SLCO3A1: variants seen among roughly 807,000 people sequenced by gnomAD.
SLCO3A1 encodes PGE1 transporter.
A neutral mutation model predicts 63.1 loss-of-function variants in SLCO3A1; 27 were observed. That is an observed-to-expected ratio of 0.43 (90% CI 0.32 to 0.59). The LOEUF (loss-of-function observed/expected upper bound fraction) is 0.59. SLCO3A1 is among the 20% of genes least tolerant of loss of function. The probability of loss-of-function intolerance (pLI) is 0.09; values close to 1 mark genes in which losing one functional copy is unlikely to be tolerated. For missense variants in SLCO3A1, 773 were observed against 945.8 expected (o/e 0.82, Z 2.40); for synonymous variants, 473 against 409.9 (o/e 1.15, Z -1.86).
At chr15:92,013,375 C>T (rs1053145715) in intron 2 of SLCO3A1, among the ~76,000 whole-genome samples, 4 of 152,212 alleles carry the variant, frequency 2.6e-5, no homozygotes, top group Non-Finnish European at 4.4e-5. Context: ...TCCTGCAGTA[C>T]GTGGCCTATT....
At chr15:91,906,281 A>G (rs570922160) in intron 1 of SLCO3A1, among the ~76,000 whole-genome samples, 1 of 152,256 alleles carries the variant, frequency 6.6e-6, no homozygotes, top group Non-Finnish European at 1.5e-5. Flanking sequence ...ACTATGTGCT[A>G]TTTCTTTGGG....
rs529814074 is a variant in SLCO3A1 at position 92,134,668 on chromosome 15, A to G, written c.1512+6179A>G. ...ACTTCAGGTTAGGGGCCAAAAAACTAAATTTTGCTTATTTGTTTCCAGTTT... is the reference window on the plus strand; with the variant it reads ...ACTTCAGGTTAGGGGCCAAAAAACTGAATTTTGCTTATTTGTTTCCAGTTT... On this transcript the variant is annotated intron_variant, in intron 7 of 9. Coordinates refer to ENST00000318445, the MANE Select transcript of SLCO3A1 (RefSeq NM_013272.4). Among the ~76,000 whole-genome samples the G allele has an allele frequency of 3.8e-4, 58 of 152,364 alleles. 2 individuals are homozygous for G. The highest frequency in any genetic ancestry group is 1.3e-3 in the African/African-American group (56 of 41,590).
At chr15:91,949,984 G>A (rs1899943943) in intron 2 of SLCO3A1, among the ~76,000 whole-genome samples, 1 of 152,168 alleles carries the variant, frequency 6.6e-6, no homozygotes, top group South Asian at 2.1e-4. Flanking sequence ...TCCAGCCTGA[G>A]CAACAGAACC....
At chr15:91,944,748 A>T (rs4420511) in intron 2 of SLCO3A1, among the ~76,000 whole-genome samples, 2 of 151,388 alleles carry the variant, frequency 1.3e-5, no homozygotes, top group Non-Finnish European at 2.9e-5. Context: ...ATGTGGAGAA[A>T]TCGAGGGGGC....
At chr15:91,987,145 C>T (rs1173682249) in intron 2 of SLCO3A1, among the ~76,000 whole-genome samples, 3 of 152,016 alleles carry the variant, frequency 2.0e-5, no homozygotes, top group Admixed American at 6.5e-5. Flanking sequence ...TTTTAAAAAC[C>T]GTATAGTTGA....
At chr15:91,922,019 G>A (rs1898864368) in intron 2 of SLCO3A1, among the ~76,000 whole-genome samples, 1 of 152,184 alleles carries the variant, frequency 6.6e-6, no homozygotes, top group Non-Finnish European at 1.5e-5. Flanking sequence ...ACAGGCATGA[G>A]CCACTGCGCC....
At chr15:92,063,050 A>T (rs2151507900) in intron 2 of SLCO3A1, among the ~76,000 whole-genome samples, 1 of 152,334 alleles carries the variant, frequency 6.6e-6, no homozygotes, top group Middle Eastern at 3.4e-3. Flanking sequence ...AGAACAACCA[A>T]AATGGGCAGC....
At chr15:91,974,014 G>A (rs1900989935) in intron 2 of SLCO3A1, among the ~76,000 whole-genome samples, 2 of 152,094 alleles carry the variant, frequency 1.3e-5, no homozygotes, top group South Asian at 4.2e-4. Flanking sequence ...AGGCCTATTG[G>A]TACCTGTTCT....
chr15:92,131,792 G>A (rs2048000397), intron 7 of SLCO3A1, among the ~76,000 whole-genome samples: 1 of 145,492 alleles, frequency 6.9e-6, no homozygotes, highest in African/African-American at 2.5e-5. Flanking sequence ...TATCTCTCAG[G>A]GCTGTCTCTC....
At chr15:91,977,919 C>T (rs1467706510) in intron 2 of SLCO3A1, among the ~76,000 whole-genome samples, 1 of 152,138 alleles carries the variant, frequency 6.6e-6, no homozygotes, top group African/African-American at 2.4e-5. Flanking sequence ...GGACAAAGAC[C>T]TTGGCTATCT....
At position 92,165,675 on chromosome 15, in the gene SLCO3A1, C is replaced by G; in HGVS notation, c.*2540C>G. ...CGCTGTTGCAGGATGGCTCTGAATTCTGTTGTGTCGTCTTTTAAAATTTTA... is the reference window on the plus strand; with the variant it reads ...CGCTGTTGCAGGATGGCTCTGAATTGTGTTGTGTCGTCTTTTAAAATTTTA... On this transcript the variant is annotated 3_prime_UTR_variant, in exon 10 of 10. Transcript: ENST00000318445. 1.0e-6 allele frequency: 1 copy of G among 985,326 alleles called. No individual in the cohort carries two copies. The highest frequency in any genetic ancestry group is 4.7e-5 in the South Asian group (1 of 21,286). 61.0% of individuals were successfully genotyped at this position (985,326 alleles called of 1,614,324 possible). A position where few individuals can be genotyped will look rare whatever the true frequency, so the allele number is the denominator to read the frequency against.
At chr15:91,918,215 G>A (rs1898725006) in intron 2 of SLCO3A1, among the ~76,000 whole-genome samples, 2 of 152,244 alleles carry the variant, frequency 1.3e-5, no homozygotes, top group African/African-American at 2.4e-5. Flanking sequence ...TGTGGGAGGT[G>A]GAGGCGTGGA....
At chr15:91,980,523 A>G (rs2045972148) in intron 2 of SLCO3A1, among the ~76,000 whole-genome samples, 1 of 151,734 alleles carries the variant, frequency 6.6e-6, no homozygotes, top group African/African-American at 2.4e-5. Flanking sequence ...TTTAGTTGGT[A>G]TGAAGTTTCT....
chr15:92,045,419 C>T (rs768375494), intron 2 of SLCO3A1, among the ~76,000 whole-genome samples: 1 of 151,880 alleles, frequency 6.6e-6, no homozygotes, highest in Non-Finnish European at 1.5e-5. Flanking sequence ...GTGTATGGAT[C>T]CTTCAAAGAA....
intron 9 of SLCO3A1, among the ~76,000 whole-genome samples, chr15:92,158,180 G>A (rs1567153537): frequency 6.6e-6 from 1 of 152,164 alleles, no homozygotes; most frequent in African/African-American, 2.4e-5. Context: ...CAACCCCAGA[G>A]AAGGAAGGGC....
intron 2 of SLCO3A1, among the ~76,000 whole-genome samples, chr15:92,031,015 T>TGAGGGAGGGAGGGAGGGAGG (rs57656534): frequency 1.9e-5 from 2 of 103,048 alleles, no homozygotes; most frequent in Non-Finnish European, 4.0e-5. Flanking sequence ...CTGTACCCTG[T>TGAGGGAGGGAGGGAGGGAGG]GAGGGAGGGA....
chr15:91,943,451 A>T (rs1899691794), intron 2 of SLCO3A1, among the ~76,000 whole-genome samples: 1 of 152,198 alleles, frequency 6.6e-6, no homozygotes, highest in Non-Finnish European at 1.5e-5. Context: ...ATTTCATTGT[A>T]GGTGTAAACC....
chr15:92,022,808 T>G (rs920562632), intron 2 of SLCO3A1, among the ~76,000 whole-genome samples: 1 of 152,154 alleles, frequency 6.6e-6, no homozygotes, highest in African/African-American at 2.4e-5. Context: ...CACCAGGGCT[T>G]CAAGAGTTGA....
intron 3 of SLCO3A1, among the ~76,000 whole-genome samples, chr15:92,102,650 G>A (rs1011966210): frequency 6.6e-6 from 1 of 152,176 alleles, no homozygotes; most frequent in Non-Finnish European, 1.5e-5. Flanking sequence ...CTGGTCCATT[G>A]TAGTGCTATT....
Sources: gnomAD v4.1 joint callset for allele counts (sites outside exome capture counted in the v4.1 genomes callset) on GRCh38, gnomAD v4.1.1 for gene constraint, MANE v1.5 for transcripts, NCBI Gene and HGNC (gene_info 2026-07-23, HGNC 2026-07-21) for gene names.